The following ZZZ3 variants were observed in gnomAD, a reference collection of about 807,000 sequenced individuals.
The protein encoded by ZZZ3 is ZZ-type zinc finger-containing protein 3.
ZZZ3 carries 22 observed loss-of-function variants against 95.2 expected under a neutral mutation model. The observed-to-expected ratio is 0.23, with a 90% CI of 0.17 to 0.33. The LOEUF (loss-of-function observed/expected upper bound fraction) is 0.33, where lower values mean the gene tolerates loss of function less well. ZZZ3 is among the 10% of genes least tolerant of loss of function. ZZZ3 has a pLI of 1.00. For synonymous variants in ZZZ3, 335 were observed against 358.9 expected, an observed-to-expected ratio of 0.93 and a Z score of 0.75; for missense variants, 885 against 1,066.5, an observed-to-expected ratio of 0.83 and a Z score of 2.37.
intron 4 of ZZZ3, among the ~76,000 whole-genome samples, chr1:77,637,790 A>T (rs1557751180): frequency 6.6e-6 from 1 of 152,240 alleles, no homozygotes; most frequent in African/African-American, 2.4e-5. Flanking sequence ...AATGTTTCTT[A>T]AGAATACAAT....
chr1:77,663,072 T>C (rs2101023106), intron 1 of ZZZ3, among the ~76,000 whole-genome samples: 1 of 151,506 alleles, frequency 6.6e-6, no homozygotes, highest in East Asian at 1.9e-4. Flanking sequence ...GCTACTGCAC[T>C]CCAGGCTGGG....
chr1:77,651,886 G>A (rs1465212963), intron 1 of ZZZ3, among the ~76,000 whole-genome samples: 2 of 151,944 alleles, frequency 1.3e-5, no homozygotes, highest in African/African-American at 2.4e-5. Context: ...GCGTGGTGGC[G>A]TGCATCTGTA....
At chr1:77,650,733 T>C in intron 1 of ZZZ3, among the ~76,000 whole-genome samples, 1 of 146,038 alleles carries the variant, frequency 6.8e-6, no homozygotes, top group Non-Finnish European at 1.5e-5. Context: ...CAGAAATCAA[T>C]GAAATAGAAA....
upstream of ZZZ3, among the ~76,000 whole-genome samples, chr1:77,682,838 A>G (rs756250605): frequency 1.3e-5 from 2 of 152,232 alleles, no homozygotes; most frequent in Admixed American, 6.5e-5. Flanking sequence ...TCCGCTTTAT[A>G]CGTCTCCTCC....
intron 5 of ZZZ3, among the ~76,000 whole-genome samples, chr1:77,612,698 T>C (rs1252798772): frequency 1.3e-5 from 2 of 151,800 alleles, no homozygotes; most frequent in Non-Finnish European, 2.9e-5. Context: ...AAGACAAATA[T>C]TGCGTGATCT....
intron 5 of ZZZ3, among the ~76,000 whole-genome samples, chr1:77,594,411 G>C (rs12717768): frequency 0.58 from 88,062 of 151,870 alleles, 27,761 homozygotes; most frequent in Non-Finnish European, 0.71. Flanking sequence ...TTATTATATT[G>C]TGTGATTTTT....
intron 6 of ZZZ3, among the ~76,000 whole-genome samples, chr1:77,582,645 A>C (rs1332390739): frequency 6.7e-6 from 1 of 148,888 alleles, no homozygotes; most frequent in African/African-American, 2.5e-5. Flanking sequence ...TCCAAAGAAC[A>C]TAGGACTTTC....
intron 1 of ZZZ3, among the ~76,000 whole-genome samples, chr1:77,681,551 T>G (rs776734133): frequency 1.8e-4 from 28 of 152,226 alleles, no homozygotes; most frequent in African/African-American, 6.0e-4. Context: ...AAGCTCAAAC[T>G]CTGATGCCAA....
At chr1:77,585,750 G>A (rs926190513) in intron 5 of ZZZ3, among the ~76,000 whole-genome samples, 5 of 152,208 alleles carry the variant, frequency 3.3e-5, no homozygotes, top group South Asian at 2.1e-4. Context: ...GATATTCTGC[G>A]AATCTTTTAA....
intron 1 of ZZZ3, among the ~76,000 whole-genome samples, chr1:77,666,370 T>C (rs1349953039): frequency 2.0e-5 from 3 of 152,084 alleles, no homozygotes; most frequent in East Asian, 3.9e-4. Context: ...CTGCCTCTAC[T>C]AATAATACAA....
intron 12 of ZZZ3, among the ~76,000 whole-genome samples, chr1:77,570,165 C>T (rs571529784): frequency 9.7e-4 from 148 of 152,078 alleles, no homozygotes; most frequent in African/African-American, 3.4e-3. Context: ...CGCAGTGGCG[C>T]GATCTTGGCT....
intron 5 of ZZZ3, among the ~76,000 whole-genome samples, chr1:77,629,388 C>T (rs1368874080): frequency 1.3e-5 from 2 of 152,096 alleles, no homozygotes; most frequent in Admixed American, 6.5e-5. Flanking sequence ...GAGGCCAAGG[C>T]GGGCAGATCG....
chr1:77,653,645 CG>C (rs1670008258), intron 1 of ZZZ3, among the ~76,000 whole-genome samples: 1 of 151,768 alleles, frequency 6.6e-6, no homozygotes, highest in South Asian at 2.1e-4. Flanking sequence ...CCCAGCTACT[CG>C]GGAGGCTGAG....
intron 13 of ZZZ3, 134 bp from the exon 14 acceptor site, chr1:77,566,315 C>T: frequency 1.9e-6 from 1 of 514,752 alleles, no homozygotes; most frequent in South Asian, 3.9e-5. Context: ...TAATATAACA[C>T]ACAAATGGTT....
At chr1:77,681,727 A>T (rs1672772077) in intron 1 of ZZZ3, among the ~76,000 whole-genome samples, 1 of 152,090 alleles carries the variant, frequency 6.6e-6, no homozygotes, top group South Asian at 2.1e-4. Context: ...CCCCGTCTCT[A>T]CTAAAAACAC....
At chr1:77,661,559 A>C (rs1670790131) in intron 1 of ZZZ3, among the ~76,000 whole-genome samples, 1 of 152,206 alleles carries the variant, frequency 6.6e-6, no homozygotes, top group Non-Finnish European at 1.5e-5. Flanking sequence ...CCCTAATCAC[A>C]GAGGAATGAT....
Position 77,631,780 on chromosome 1 carries a change from C to T in ZZZ3, c.1505+70G>A, listed in dbSNP as rs183142642. ...AATTTTGGCTGTAATAAAAACACTA[C>T]GAATAGATACTGAAAAACTTGGGGA... is the stretch of plus-strand genomic sequence containing the variant. On this transcript the variant is annotated intron_variant, in intron 5 of 14. Coordinates refer to ENST00000370801, the MANE Select transcript of ZZZ3 (RefSeq NM_015534.6). 321 of 1,274,224 alleles carry T rather than the reference C, an allele frequency of 2.5e-4. 1 individual carries two copies. The African/African-American group carries it at 4.1e-3, about 16-fold the overall frequency. The allele number at this position is 1,274,224 out of a possible 1,614,324, so 78.9% of individuals were successfully genotyped here. A position where few individuals can be genotyped will look rare whatever the true frequency, so the allele number is the denominator to read the frequency against.
chr1:77,614,023 CAATA>C (rs138373036), intron 5 of ZZZ3, among the ~76,000 whole-genome samples: 6,689 of 152,100 alleles, frequency 0.044, 207 homozygotes, highest in East Asian at 0.1. Flanking sequence ...TAGCTATAAA[CAATA>C]AATAGAAAAT....
intron 4 of ZZZ3, among the ~76,000 whole-genome samples, chr1:77,637,912 G>A (rs1477552959): frequency 2.6e-5 from 4 of 152,088 alleles, no homozygotes; most frequent in Non-Finnish European, 4.4e-5. Flanking sequence ...CAAAATAAGA[G>A]GTATATGGTA....
Sources: gnomAD v4.1 joint callset for allele counts (sites outside exome capture counted in the v4.1 genomes callset) on GRCh38, gnomAD v4.1.1 for gene constraint, MANE v1.5 for transcripts, NCBI Gene and HGNC (gene_info 2026-07-23, HGNC 2026-07-21) for gene names.